SPIN1: variants seen among roughly 807,000 people sequenced by gnomAD.
SPIN1 encodes spindlin 1, also known as spindlin-1.
A neutral mutation model predicts 26.0 loss-of-function variants in SPIN1; 3 were observed. That is an observed-to-expected ratio of 0.12 (90% CI 0.05 to 0.30). SPIN1 has a LOEUF of 0.30. Among genes scored for constraint, SPIN1 ranks in the 10% least tolerant of loss-of-function variants. The probability of loss-of-function intolerance (pLI) is 1.00; values close to 1 mark genes in which losing one functional copy is unlikely to be tolerated. For missense variants in SPIN1, 126 were observed against 333.4 expected, an observed-to-expected ratio of 0.38 and a Z score of 4.84; for synonymous variants, 101 against 116.5, an observed-to-expected ratio of 0.87 and a Z score of 0.86.
chr9:88,467,352 G>A (rs544361589), intron 4 of SPIN1, among the ~76,000 whole-genome samples: 1 of 152,266 alleles, frequency 6.6e-6, no homozygotes, highest in Admixed American at 6.5e-5. Context: ...TCATGGGGAT[G>A]TACAAGCAAC....
chr9:88,436,489 C>A (rs1433041914), intron 2 of SPIN1, among the ~76,000 whole-genome samples: 1 of 152,062 alleles, frequency 6.6e-6, no homozygotes, highest in Non-Finnish European at 1.5e-5. Context: ...AGTTGATGAA[C>A]CTTCTTTGAC....
In SPIN1 at chr9:88,392,195, A is replaced by C. The variant is rs375134814; in HGVS notation, c.-159+3657A>C. ...TAGCTGTAGTTATTAGCATTTTTTT[A>C]ATGTTGAGGTAAACAGTTTCCTTAG... On this transcript the variant is annotated intron_variant, in intron 1 of 5. Transcript: ENST00000375859. 4.6e-5 allele frequency among the ~76,000 whole-genome samples: 7 copies of C among 152,234 alleles called. No homozygotes were observed. The East Asian group carries it at 7.7e-4, about 17-fold the overall frequency.
chr9:88,448,492 C>G (rs1249688880), intron 2 of SPIN1, among the ~76,000 whole-genome samples: 1 of 151,960 alleles, frequency 6.6e-6, no homozygotes, highest in Non-Finnish European at 1.5e-5. Context: ...GCTGAGACCA[C>G]AGGTGCATAC....
intron 4 of SPIN1, among the ~76,000 whole-genome samples, chr9:88,463,948 C>A (rs975700063): frequency 6.6e-6 from 1 of 152,146 alleles, no homozygotes; most frequent in African/African-American, 2.4e-5. Context: ...GAATTTTAGT[C>A]TCTGCCCCTT....
At chr9:88,436,685 C>G (rs1355506288) in intron 2 of SPIN1, among the ~76,000 whole-genome samples, 2 of 150,206 alleles carry the variant, frequency 1.3e-5, no homozygotes, top group Non-Finnish European at 3.0e-5. Context: ...CGGAATCATA[C>G]AGCGTGGAGT....
intron 3 of SPIN1, among the ~76,000 whole-genome samples, chr9:88,456,683 G>A (rs1313250840): frequency 5.3e-5 from 8 of 152,106 alleles, no homozygotes; most frequent in African/African-American, 1.9e-4. Context: ...GACATACATT[G>A]TATCTACAAA....
intron 5 of SPIN1, among the ~76,000 whole-genome samples, chr9:88,469,143 G>A (rs1385099104): frequency 6.6e-6 from 1 of 152,048 alleles, no homozygotes; most frequent in East Asian, 1.9e-4. Context: ...TGGTGGTTTT[G>A]GAGGCATTAG....
chr9:88,458,038 A>C (rs1463962911), intron 3 of SPIN1: 3 of 937,522 alleles, frequency 3.2e-6, no homozygotes, highest in Non-Finnish European at 3.8e-6. Context: ...TGGGGGATGA[A>C]AAGTATAGGT....
At chr9:88,434,521 TA>T (rs1827960458) in intron 2 of SPIN1, among the ~76,000 whole-genome samples, 1 of 146,352 alleles carries the variant, frequency 6.8e-6, no homozygotes, top group African/African-American at 2.8e-5. Flanking sequence ...TGATGGGTGA[TA>T]TAACTCCCCA....
In SPIN1 at chr9:88,468,461, G is replaced by A; in HGVS notation, c.445G>A (p.Asp149Asn). ...HMFETEDGSK[D>N]EWRGMVLARA... The stretch of plus-strand genomic sequence containing the variant: ...GTTTGAGACAGAGGATGGTTCTAAA[G>A]ATGAGTGGAGGGGAATGGTCTTAGC... Residue 149 changes from aspartate (D) to asparagine (N), a missense_variant, in exon 5 of 6, where the codon GAT (aspartate) becomes AAT (asparagine). Around this residue, in one of 7 missense-constraint regions of SPIN1, gnomAD observed 10 missense variants for 44.5 expected, o/e 0.22. Coordinates refer to ENST00000375859, the MANE Select transcript of SPIN1 (RefSeq NM_006717.3). 6.2e-7 allele frequency: 1 copy of A among 1,613,640 alleles called. No homozygotes were observed.
At position 88,462,719 on chromosome 9, in the gene SPIN1, T is replaced by A; in HGVS notation, c.325T>A (p.Ser109Thr). ...AGAACTTAATAAAGATGAAAGAGTT[T>A]CTGCGCTTGAAGTCCTCCCTGATAG... ...GLELNKDERV[S>T]ALEVLPDRVA... The change falls in exon 4 of 6, where the codon TCT becomes ACT. Residue 109 changes from serine to threonine, a missense_variant. By Grantham distance (58) the Ser-to-Thr change is moderately conservative (BLOSUM62 1). Transcript: ENST00000375859. 6.2e-7 allele frequency: 1 copy of A among 1,613,470 alleles called. No individual in the cohort carries two copies. The highest frequency in any genetic ancestry group is 8.5e-7 in the Non-Finnish European group (1 of 1,179,640).
intron 2 of SPIN1, among the ~76,000 whole-genome samples, chr9:88,429,954 A>C (rs922852581): frequency 1.3e-5 from 2 of 152,132 alleles, no homozygotes; most frequent in African/African-American, 4.8e-5. Context: ...AAATATATAT[A>C]TTTCACAGTA....
At chr9:88,420,706 T>TA (rs1168804630) in intron 1 of SPIN1, among the ~76,000 whole-genome samples, 1 of 152,204 alleles carries the variant, frequency 6.6e-6, no homozygotes, top group African/African-American at 2.4e-5. Flanking sequence ...AGATTAAGTT[T>TA]AGAGGGATGG....
At chr9:88,439,268 AAG>A (rs933266063) in intron 2 of SPIN1, among the ~76,000 whole-genome samples, 1 of 152,176 alleles carries the variant, frequency 6.6e-6, no homozygotes, top group Non-Finnish European at 1.5e-5. Flanking sequence ...GAATTCGTGT[AAG>A]AGAATGGTTG....
intron 1 of SPIN1, among the ~76,000 whole-genome samples, chr9:88,412,188 C>A (rs373862043): frequency 5.3e-4 from 81 of 151,838 alleles, no homozygotes; most frequent in African/African-American, 1.9e-3. Flanking sequence ...CAAAAAAAAA[C>A]AAAAACCTTT....
chr9:88,461,689 T>C (rs1235258058), intron 3 of SPIN1, among the ~76,000 whole-genome samples: 3 of 152,192 alleles, frequency 2.0e-5, no homozygotes, highest in Non-Finnish European at 4.4e-5. Context: ...TCAGCATCTG[T>C]TATCTTGGTT....
At chr9:88,398,990 A>G (rs1357128383) in intron 1 of SPIN1, among the ~76,000 whole-genome samples, 1 of 151,866 alleles carries the variant, frequency 6.6e-6, no homozygotes, top group Non-Finnish European at 1.5e-5. Context: ...GGCATTTGTT[A>G]CAGTGATTTG....
intron 1 of SPIN1, among the ~76,000 whole-genome samples, chr9:88,393,644 C>T (rs534351344): frequency 3.3e-5 from 5 of 151,086 alleles, no homozygotes; most frequent in East Asian, 2.0e-4. Context: ...TTAGTAGAGA[C>T]GGGGGTTTCA....
chr9:88,436,256 A>C (rs1827996288), intron 2 of SPIN1, among the ~76,000 whole-genome samples: 3 of 152,180 alleles, frequency 2.0e-5, no homozygotes, highest in Admixed American at 2.0e-4. Flanking sequence ...TGTTGATGAC[A>C]GAAGAATAAT....
Sources: allele counts gnomAD v4.1 joint callset (sites outside exome capture counted in the v4.1 genomes callset), GRCh38; gene constraint gnomAD v4.1.1; regional missense constraint gnomAD v4.1.1; transcripts MANE v1.5; gene names NCBI Gene and HGNC (gene_info 2026-07-23, HGNC 2026-07-21).